The following PTPRM variants were observed in gnomAD, a reference collection of about 807,000 sequenced individuals.
PTPRM encodes protein tyrosine phosphatase receptor type M.
Under a neutral mutation model 186.7 loss-of-function variants are expected in PTPRM, and 47 were observed. That is an observed-to-expected ratio of 0.25 (90% confidence interval 0.20 to 0.32). The LOEUF (loss-of-function observed/expected upper bound fraction) is 0.32, where lower values mean the gene tolerates loss of function less well. Among genes scored for constraint, PTPRM ranks in the 10% least tolerant of loss-of-function variants. The probability of loss-of-function intolerance (pLI) is 1.00; values close to 1 mark genes in which losing one functional copy is unlikely to be tolerated. For missense variants in PTPRM, 1,494 were observed against 1,865.0 expected (o/e 0.80, Z 3.66); for synonymous variants, 668 against 674.9 (o/e 0.99, Z 0.16).
intron 1 of PTPRM, among the ~76,000 whole-genome samples, chr18:7,572,970 G>A (rs1316680665): frequency 6.6e-6 from 1 of 152,186 alleles, no homozygotes; most frequent in Non-Finnish European, 1.5e-5. Context: ...AGTTGACACT[G>A]TAGCTCTGAA....
chr18:7,893,658 G>A (rs1254899457), intron 3 of PTPRM, among the ~76,000 whole-genome samples: 1 of 152,156 alleles, frequency 6.6e-6, no homozygotes, highest in Non-Finnish European at 1.5e-5. Context: ...GCAAGCATCG[G>A]CCTTGGAACT....
At position 7,774,291 on chromosome 18, in the gene PTPRM, T is replaced by C; in HGVS notation, c.196+20T>C. 6.2e-7 allele frequency: 1 copy of C among 1,612,770 alleles called. No homozygotes were observed. Among genetic ancestry groups the C allele is most frequent in the East Asian group, 2.2e-5 (1 of 44,826 alleles). On this transcript the variant is annotated intron_variant, in intron 2 of 32. Coordinates refer to ENST00000580170, the MANE Select transcript of PTPRM (RefSeq NM_001105244.2). ...CATCAGGTTTGCTTTTAGTTTTAAG[T>C]TTTGTTTTAAAGAGGAACACAAGAG...
intron 14 of PTPRM, among the ~76,000 whole-genome samples, chr18:8,210,718 A>G (rs1020361768): frequency 6.6e-6 from 1 of 152,172 alleles, no homozygotes; most frequent in African/African-American, 2.4e-5. Context: ...TTTTCACCAG[A>G]TGATATTTAA....
intron 1 of PTPRM, among the ~76,000 whole-genome samples, chr18:7,570,449 CA>C (rs2036539663): frequency 6.6e-6 from 1 of 152,192 alleles, no homozygotes; most frequent in Non-Finnish European, 1.5e-5. Flanking sequence ...GACTTTCTCA[CA>C]AAACATTTCT....
chr18:8,002,122 A>T (rs1304204859), intron 7 of PTPRM, among the ~76,000 whole-genome samples: 2 of 152,184 alleles, frequency 1.3e-5, no homozygotes, highest in Admixed American at 1.3e-4. Context: ...CACTCTATCT[A>T]GATTTATGAA....
chr18:7,760,878 C>T (rs2041739236), intron 1 of PTPRM, among the ~76,000 whole-genome samples: 1 of 152,168 alleles, frequency 6.6e-6, no homozygotes, highest in Non-Finnish European at 1.5e-5. Flanking sequence ...TAGCTCCATT[C>T]TGCTGCTTGG....
chr18:8,067,208 A>G (rs908159040), intron 7 of PTPRM, among the ~76,000 whole-genome samples: 1 of 152,210 alleles, frequency 6.6e-6, no homozygotes, highest in African/African-American at 2.4e-5. Flanking sequence ...CCTGGGATTA[A>G]TAAGGAAAAG....
At chr18:7,645,307 A>G (rs1320264021) in intron 1 of PTPRM, among the ~76,000 whole-genome samples, 1 of 152,206 alleles carries the variant, frequency 6.6e-6, no homozygotes, top group Non-Finnish European at 1.5e-5. Context: ...GCACATTTTC[A>G]TGCCTGTGGT....
At chr18:7,810,372 T>C (rs1421443850) in intron 2 of PTPRM, among the ~76,000 whole-genome samples, 2 of 152,252 alleles carry the variant, frequency 1.3e-5, no homozygotes, top group African/African-American at 4.8e-5. Flanking sequence ...CAGTGTGTTA[T>C]GTTGCTCATT....
intron 7 of PTPRM, among the ~76,000 whole-genome samples, chr18:7,988,156 G>C (rs190863750): frequency 5.8e-4 from 88 of 152,184 alleles, no homozygotes; most frequent in African/African-American, 1.6e-3. Context: ...CTGCACTCCA[G>C]CTTGGGTGAC....
At chr18:7,615,263 C>T (rs1182632986) in intron 1 of PTPRM, among the ~76,000 whole-genome samples, 2 of 152,064 alleles carry the variant, frequency 1.3e-5, no homozygotes, top group Admixed American at 1.3e-4. Flanking sequence ...AAAAAAATCA[C>T]CCATGATCTT....
intron 22 of PTPRM, among the ~76,000 whole-genome samples, chr18:8,334,998 A>G (rs1193193996): frequency 6.6e-6 from 1 of 152,186 alleles, no homozygotes; most frequent in Non-Finnish European, 1.5e-5. Flanking sequence ...GTCCGTTCCA[A>G]CAACCAAACA....
rs571558259 is a variant in PTPRM, at chr18:8,018,407, C to T, written c.1133-51279C>T. On this transcript the variant is annotated intron_variant, in intron 7 of 32. Coordinates refer to ENST00000580170, the MANE Select transcript of PTPRM (RefSeq NM_001105244.2). ...GGTGAACCCAGTTTGAGCAGAGCTG[C>T]AAGTTGCTTGTTACGCACCCCTCAT... is the stretch of plus-strand genomic sequence containing the variant. Among the ~76,000 whole-genome samples, 3 of 152,302 alleles carry T rather than the reference C, an allele frequency of 2.0e-5. No homozygotes were observed. The South Asian group carries it at 6.2e-4, about 32-fold the overall frequency.
At chr18:8,072,887 A>G (rs1272892123) in intron 8 of PTPRM, among the ~76,000 whole-genome samples, 1 of 152,214 alleles carries the variant, frequency 6.6e-6, no homozygotes, top group South Asian at 2.1e-4. Flanking sequence ...TAACTTAATT[A>G]GTAGTATATT....
intron 7 of PTPRM, among the ~76,000 whole-genome samples, chr18:7,964,847 G>A (rs1490032266): frequency 1.3e-5 from 2 of 149,832 alleles, no homozygotes; most frequent in African/African-American, 4.9e-5. Flanking sequence ...GGTCGGGATA[G>A]AAAATAGCAT....
intron 7 of PTPRM, among the ~76,000 whole-genome samples, chr18:7,981,962 C>T (rs895687868): frequency 6.6e-6 from 1 of 152,158 alleles, no homozygotes; most frequent in Admixed American, 6.5e-5. Context: ...GCTTGCAGGA[C>T]TAGAAGTTGC....
intron 7 of PTPRM, among the ~76,000 whole-genome samples, chr18:8,038,536 C>A (rs918434803): frequency 6.6e-6 from 1 of 152,016 alleles, no homozygotes; most frequent in Non-Finnish European, 1.5e-5. Flanking sequence ...GAATTACAAG[C>A]GTGTACCGCC....
chr18:8,277,640 A>G lies in PTPRM; in HGVS notation c.2755-18728A>G, dbSNP rs1043401172. 5.9e-5 allele frequency among the ~76,000 whole-genome samples: 9 copies of G among 152,374 alleles called. No homozygotes were observed. In the East Asian group the frequency reaches 7.7e-4, roughly 13 times the overall value. On this transcript the variant is annotated intron_variant, in intron 19 of 32. Transcript: ENST00000580170. The stretch of plus-strand genomic sequence containing the variant: ...TAATATTACAGTTATATAAACTTCT[A>G]TAATCTAACTGATTAGAAATCTTAC...
intron 2 of PTPRM, among the ~76,000 whole-genome samples, chr18:7,859,934 C>T (rs1187495567): frequency 6.6e-6 from 1 of 152,130 alleles, no homozygotes; most frequent in Admixed American, 6.5e-5. Context: ...TCCCAGGCTC[C>T]ATTTTCCAGA....
Sources: allele counts gnomAD v4.1 joint callset (sites outside exome capture counted in the v4.1 genomes callset), GRCh38; gene constraint gnomAD v4.1.1; transcripts MANE v1.5; gene names NCBI Gene and HGNC (gene_info 2026-07-23, HGNC 2026-07-21).